PTPRD: variants seen among roughly 807,000 people sequenced by gnomAD.
PTPRD encodes protein tyrosine phosphatase receptor type D.
In PTPRD, 34 loss-of-function variants were observed where a neutral mutation model predicts 214.5. The ratio of observed to expected loss-of-function variants is 0.16; its 90% CI spans 0.12 to 0.21. The LOEUF is 0.21. PTPRD is among the 10% of genes least tolerant of loss of function. PTPRD has a pLI of 1.00. For synonymous variants in PTPRD, 1,128 were observed against 845.7 expected (o/e 1.33, Z -5.79); for missense variants, 2,545 against 2,398.7 (o/e 1.06, Z -1.27).
rs3050068 is a variant in PTPRD, at chr9:9,759,555, C to CTTTTTTTTTTTTTTTTTTTTTTT, written c.-326+7254_-326+7255insAAAAAAAAAAAAAAAAAAAAAAA. Among the ~76,000 whole-genome samples the CTTTTTTTTTTTTTTTTTTTTTTT allele has an allele frequency of 7.6e-5, 9 of 117,808 alleles. 1 individual carries two copies. The East Asian group carries it at 1.4e-3, about 18-fold the overall frequency. 77.3% of individuals were successfully genotyped at this position (117,808 alleles called of 152,430 possible). On this transcript the variant is annotated intron_variant, in intron 6 of 45. Transcript: ENST00000381196. ...ACATCTTCAAATAGTCAAGGTCTGT[C>CTTTTTTTTTTTTTTTTTTTTTTT]TTTTTTTTTTTTTTTTTTTTGAGAT...
rs148471020 is a variant in PTPRD, at chr9:9,007,510, A to G, written c.-104+11187T>C. ...GTGCTTGACCCTATTACTTTTTTCT[A>G]AAATACTCCAATAAACCAAATACAA... is the stretch of plus-strand genomic sequence containing the variant. On this transcript the variant is annotated intron_variant, in intron 11 of 45. Transcript: ENST00000381196. 4.8e-3 allele frequency among the ~76,000 whole-genome samples: 735 copies of G among 151,948 alleles called. 9 individuals carry two copies. The highest frequency in any genetic ancestry group is 0.017 in the African/African-American group (708 of 41,478).
At chr9:8,493,957 C>T (rs556576290) in intron 26 of PTPRD, among the ~76,000 whole-genome samples, 18 of 151,696 alleles carry the variant, frequency 1.2e-4, no homozygotes, top group Non-Finnish European at 2.2e-4. Flanking sequence ...TGTACACATG[C>T]GCGCGTACAC....
intron 8 of PTPRD, among the ~76,000 whole-genome samples, chr9:9,468,240 A>G (rs1263924037): frequency 2.0e-5 from 3 of 151,902 alleles, no homozygotes; most frequent in Admixed American, 6.6e-5. Flanking sequence ...AGTAATTTAT[A>G]TATATTTAGA....
At chr9:8,844,514 T>G (rs2154537412) in intron 11 of PTPRD, among the ~76,000 whole-genome samples, 1 of 152,306 alleles carries the variant, frequency 6.6e-6, no homozygotes, top group East Asian at 1.9e-4. Flanking sequence ...TGAAATAAAA[T>G]ATCACTCAAA....
chr9:8,733,834 C>T lies in PTPRD; in HGVS notation c.10G>A (p.Val4Ile), dbSNP rs1050031711. Residue 4 changes from valine (V) to isoleucine (I), a missense_variant, in exon 12 of 46, where the codon GTA (valine) becomes ATA (isoleucine). Coordinates refer to ENST00000381196, the MANE Select transcript of PTPRD (RefSeq NM_002839.4). The stretch of plus-strand genomic sequence containing the variant: ...AGGAGCAGCAGCAGCAGCCTGGCTA[C>T]GTGCACCATCCTGCAGCTTGGCAGC... MVH[V>I]ARLLLLLLTF... is the part of the protein sequence containing the mutation. 11 of 1,551,700 alleles carry T rather than the reference C, an allele frequency of 7.1e-6. No individual in the cohort carries two copies. Among genetic ancestry groups the T allele is most frequent in the African/African-American group, 4.1e-5 (3 of 73,102 alleles).
At chr9:10,432,210 C>T (rs1405569036) in intron 2 of PTPRD, among the ~76,000 whole-genome samples, 3 of 145,166 alleles carry the variant, frequency 2.1e-5, no homozygotes, top group East Asian at 4.1e-4. Context: ...ACCGCATATT[C>T]TCACTCATAG....
At chr9:9,500,753 C>A (rs1366443613) in intron 8 of PTPRD, among the ~76,000 whole-genome samples, 2 of 151,682 alleles carry the variant, frequency 1.3e-5, no homozygotes, top group African/African-American at 2.4e-5. Context: ...TTTTTCTATT[C>A]TCTTAGTTTC....
At chr9:9,201,102 G>C (rs1460610648) in intron 9 of PTPRD, among the ~76,000 whole-genome samples, 1 of 152,058 alleles carries the variant, frequency 6.6e-6, no homozygotes, top group Non-Finnish European at 1.5e-5. Context: ...ATGAAAAGTG[G>C]TTTATTTGAC....
At chr9:10,166,826 G>C (rs1176105344) in intron 3 of PTPRD, among the ~76,000 whole-genome samples, 1 of 152,068 alleles carries the variant, frequency 6.6e-6, no homozygotes, top group Non-Finnish European at 1.5e-5. Context: ...TGCAATAAGA[G>C]CTTCTGAAAT....
chr9:8,985,074 A>C (rs947383685), intron 11 of PTPRD, among the ~76,000 whole-genome samples: 1 of 152,094 alleles, frequency 6.6e-6, no homozygotes, highest in Non-Finnish European at 1.5e-5. Flanking sequence ...TGAAAGAAAA[A>C]CATCTCGCAA....
Position 9,140,875 on chromosome 9 carries a change from G to A in PTPRD, c.-143+42429C>T, listed in dbSNP as rs114208158. ...TTACAGGCGTGAGCCACCGTACCCG[G>A]CCAAACAGTGCTACATCTTTAACAA... On this transcript the variant is annotated intron_variant, in intron 10 of 45. Coordinates refer to ENST00000381196, the MANE Select transcript of PTPRD (RefSeq NM_002839.4). Among the ~76,000 whole-genome samples, 1,321 of 152,232 alleles carry A rather than the reference G, an allele frequency of 8.7e-3. 17 individuals carry two copies. The highest frequency in any genetic ancestry group is 0.03 in the African/African-American group (1,261 of 41,538).
intron 3 of PTPRD, among the ~76,000 whole-genome samples, chr9:10,161,058 G>T (rs997098733): frequency 6.6e-6 from 1 of 151,774 alleles, no homozygotes; most frequent in African/African-American, 2.4e-5. Flanking sequence ...ACTGATGAAA[G>T]AAATTGAAGA....
At chr9:8,682,638 G>T (rs1246664646) in intron 12 of PTPRD, among the ~76,000 whole-genome samples, 1 of 152,142 alleles carries the variant, frequency 6.6e-6, no homozygotes, top group Non-Finnish European at 1.5e-5. Flanking sequence ...TTATCCTAGT[G>T]TAGCAGGTGA....
chr9:9,825,018 TTTC>T (rs2052224259), intron 5 of PTPRD, among the ~76,000 whole-genome samples: 1 of 151,998 alleles, frequency 6.6e-6, no homozygotes, highest in Admixed American at 6.6e-5. Context: ...TGAGTGTCAG[TTTC>T]TTATTTGTTA....
chr9:9,353,660 G>T (rs2052424693), intron 9 of PTPRD, among the ~76,000 whole-genome samples: 1 of 151,376 alleles, frequency 6.6e-6, no homozygotes, highest in Admixed American at 6.6e-5. Context: ...AGTTTTCTAG[G>T]TTGAGTTAAG....
chr9:8,639,546 A>G (rs535423918), intron 12 of PTPRD, among the ~76,000 whole-genome samples: 4 of 152,354 alleles, frequency 2.6e-5, no homozygotes, highest in Non-Finnish European at 5.9e-5. Context: ...GTTGCATAAA[A>G]TGAGTGTGCA....
intron 2 of PTPRD, among the ~76,000 whole-genome samples, chr9:10,553,200 G>A (rs2061731386): frequency 6.6e-6 from 1 of 152,132 alleles, no homozygotes; most frequent in African/African-American, 2.4e-5. Flanking sequence ...CACCCAGGCA[G>A]AAAGCAAAGT....
intron 5 of PTPRD, among the ~76,000 whole-genome samples, chr9:9,861,674 A>G (rs2062814706): frequency 6.6e-6 from 1 of 152,352 alleles, no homozygotes; most frequent in South Asian, 2.1e-4. Context: ...GTTTGTAGTG[A>G]TATGATTCAT....
At chr9:10,041,626 G>C (rs1204054895) in intron 3 of PTPRD, among the ~76,000 whole-genome samples, 1 of 151,530 alleles carries the variant, frequency 6.6e-6, no homozygotes, top group African/African-American at 2.4e-5. Flanking sequence ...TGTAATATGA[G>C]CAAGAAACAT....
Sources: gnomAD v4.1 joint callset for allele counts (sites outside exome capture counted in the v4.1 genomes callset) on GRCh38, gnomAD v4.1.1 for gene constraint, MANE v1.5 for transcripts, NCBI Gene and HGNC (gene_info 2026-07-23, HGNC 2026-07-21) for gene names.